Variants in EPN2 observed in about 807,000 individuals in gnomAD.
EPN2 encodes epsin 2.
A neutral mutation model predicts 61.7 loss-of-function variants in EPN2; 34 were observed. The observed-to-expected ratio is 0.55, with a 90% CI of 0.42 to 0.73. The LOEUF (loss-of-function observed/expected upper bound fraction) is 0.73, where lower values mean the gene tolerates loss of function less well. EPN2 is among the 30% of genes least tolerant of loss of function. The probability of loss-of-function intolerance (pLI) is 0.00; values close to 1 mark genes in which losing one functional copy is unlikely to be tolerated. For synonymous variants in EPN2, 349 were observed against 353.6 expected (o/e 0.99, Z 0.15); for missense variants, 714 against 839.2 (o/e 0.85, Z 1.84).
intron 5 of EPN2, among the ~76,000 whole-genome samples, chr17:19,310,817 A>G (rs1297349829): frequency 3.3e-5 from 5 of 152,002 alleles, no homozygotes; most frequent in Non-Finnish European, 7.4e-5. Context: ...ACCTCAAGTG[A>G]TCTGCCCACC....
rs1905862965 is a variant in EPN2, at chr17:19,306,758, A to G, written c.767-3127A>G. Among the ~76,000 whole-genome samples the G allele has an allele frequency of 2.0e-5, 3 of 152,220 alleles. No individual in the cohort carries two copies. The South Asian group carries it at 6.2e-4, about 31-fold the overall frequency. ...GCAACTCAGTACCAGCTTCCCTGCC[A>G]GGATGGGGCTTGTTTTCCAGAGCAC... On this transcript the variant is annotated intron_variant, in intron 4 of 10. Transcript: ENST00000314728.
Position 19,321,580 on chromosome 17 carries a change from G to T in EPN2, c.1148-7131G>T, listed in dbSNP as rs1303111355. ...GGCATCCTTGCAGGAGAAAGCAGGAGTGGGGGATAGAAGTAACCGGGGCAT... is the reference window on the plus strand; with the variant it reads ...GGCATCCTTGCAGGAGAAAGCAGGATTGGGGGATAGAAGTAACCGGGGCAT... On this transcript the variant is annotated intron_variant, in intron 7 of 10. Transcript: ENST00000314728. Among the ~76,000 whole-genome samples, 3 of 152,320 alleles carry T rather than the reference G, an allele frequency of 2.0e-5. No homozygotes were observed. In the East Asian group the frequency reaches 5.8e-4, roughly 29 times the overall value.
At chr17:19,269,973 C>T (rs1290917491) in intron 1 of EPN2, among the ~76,000 whole-genome samples, 1 of 152,154 alleles carries the variant, frequency 6.6e-6, no homozygotes, top group African/African-American at 2.4e-5. Context: ...ATTTTGAGCA[C>T]TGAATTTGTC....
At chr17:19,332,473 A>G (rs913099823) in intron 10 of EPN2, among the ~76,000 whole-genome samples, 3 of 152,090 alleles carry the variant, frequency 2.0e-5, no homozygotes, top group Admixed American at 2.0e-4. Context: ...CTTGGGTACA[A>G]GCCTTCCTCC....
chr17:19,266,994 C>T (rs1488206877), intron 1 of EPN2, among the ~76,000 whole-genome samples: 3 of 149,574 alleles, frequency 2.0e-5, no homozygotes, highest in Non-Finnish European at 3.0e-5. Context: ...AGATAGCCAC[C>T]ACGCCTGGCT....
chr17:19,304,715 G>C (rs1184836989), intron 4 of EPN2, among the ~76,000 whole-genome samples: 1 of 152,246 alleles, frequency 6.6e-6, no homozygotes, highest in Non-Finnish European at 1.5e-5. Flanking sequence ...TTTCACTGAT[G>C]TGGGAGCAGA....
intron 1 of EPN2, among the ~76,000 whole-genome samples, chr17:19,262,105 T>A (rs527428854): frequency 6.6e-6 from 1 of 152,208 alleles, no homozygotes; most frequent in South Asian, 2.1e-4. Flanking sequence ...GAGAATTGCT[T>A]GAACCCAGGA....
At chr17:19,301,509 T>A (rs1905517187) in intron 4 of EPN2, among the ~76,000 whole-genome samples, 1 of 152,174 alleles carries the variant, frequency 6.6e-6, no homozygotes, top group South Asian at 2.1e-4. Context: ...CTCTGGCCAC[T>A]TCTCATCCCC....
intron 4 of EPN2, among the ~76,000 whole-genome samples, chr17:19,309,445 G>A (rs958182149): frequency 5.9e-5 from 9 of 152,224 alleles, no homozygotes; most frequent in Non-Finnish European, 1.0e-4. Context: ...GTCAGCTCTT[G>A]AATGTTGGTG....
At chr17:19,255,194 G>A (rs1567843749) in intron 1 of EPN2, among the ~76,000 whole-genome samples, 1 of 152,128 alleles carries the variant, frequency 6.6e-6, no homozygotes, top group Non-Finnish European at 1.5e-5. Context: ...CATGCTGTAT[G>A]TCTTCTTTTG....
chr17:19,251,531 T>G (rs908348626), intron 1 of EPN2, among the ~76,000 whole-genome samples: 3 of 152,132 alleles, frequency 2.0e-5, no homozygotes, highest in Admixed American at 2.0e-4. Flanking sequence ...CCTCCCAGGT[T>G]CAAGCGATCC....
chr17:19,243,132 A>G (rs28550346), intron 1 of EPN2, among the ~76,000 whole-genome samples: 59,166 of 151,786 alleles, frequency 0.39, 18,856 homozygotes, highest in East Asian at 0.88. Context: ...TCCTGTGTGC[A>G]GCAGAAGCAC....
intron 4 of EPN2, among the ~76,000 whole-genome samples, chr17:19,288,633 G>C (rs532873763): frequency 3.7e-4 from 56 of 152,266 alleles, no homozygotes; most frequent in African/African-American, 1.3e-3. Flanking sequence ...GAGTGACGGA[G>C]CATGGCCAGT....
At chr17:19,310,406 T>C (rs1159535160) in intron 5 of EPN2, among the ~76,000 whole-genome samples, 1 of 152,146 alleles carries the variant, frequency 6.6e-6, no homozygotes, top group Non-Finnish European at 1.5e-5. Context: ...CCAAGCACTT[T>C]GACCTGTAGC....
chr17:19,322,740 TAAAAAA>T (rs59626137), intron 7 of EPN2, among the ~76,000 whole-genome samples: 1 of 102,724 alleles, frequency 9.7e-6, no homozygotes, highest in Non-Finnish European at 2.1e-5. Context: ...AACCTGTCTC[TAAAAAA>T]AAAAAAAAAA....
chr17:19,300,108 G>A (rs1203213919), intron 4 of EPN2, among the ~76,000 whole-genome samples: 2 of 152,172 alleles, frequency 1.3e-5, no homozygotes, highest in East Asian at 1.9e-4. Context: ...CCATGGTTCC[G>A]TGGTGGGCAG....
intron 1 of EPN2, among the ~76,000 whole-genome samples, chr17:19,265,663 A>G (rs1331276639): frequency 6.6e-6 from 1 of 151,436 alleles, no homozygotes; most frequent in Non-Finnish European, 1.5e-5. Flanking sequence ...TCTCTCCCTT[A>G]TGCCTCTCAC....
Position 19,335,338 on chromosome 17 carries a change from G to GA in EPN2, c.*1091dup, listed in dbSNP as rs1324689518. The GA allele has an allele frequency of 1.3e-6, 2 of 1,489,046 alleles. No homozygotes were observed. The highest frequency in any genetic ancestry group is 1.8e-6 in the Non-Finnish European group (2 of 1,103,472). The allele number at this position is 1,489,046 out of a possible 1,614,324, so 92.2% of individuals were successfully genotyped here. A position where few individuals can be genotyped will look rare whatever the true frequency, so the allele number is the denominator to read the frequency against. On this transcript the variant is annotated 3_prime_UTR_variant, in exon 11 of 11. Transcript: ENST00000314728. ...ATATACCAACATCCTGAAAGTTAAAGAAAAAAATCTAATGTATGAATGTGA... is the reference window on the plus strand; with the variant it reads ...ATATACCAACATCCTGAAAGTTAAAGAAAAAAAATCTAATGTATGAATGTGA...
At chr17:19,307,293 T>C (rs1905890842) in intron 4 of EPN2, among the ~76,000 whole-genome samples, 1 of 152,128 alleles carries the variant, frequency 6.6e-6, no homozygotes, top group Admixed American at 6.5e-5. Context: ...AAAAATACAT[T>C]TATGTTTTTA....
Sources: gnomAD v4.1 joint callset for allele counts (sites outside exome capture counted in the v4.1 genomes callset) on GRCh38, gnomAD v4.1.1 for gene constraint, MANE v1.5 for transcripts, NCBI Gene and HGNC (gene_info 2026-07-23, HGNC 2026-07-21) for gene names.